The following APOL4 variants were observed in gnomAD, a reference collection of about 807,000 sequenced individuals.
APOL4 encodes the protein apolipoprotein L, 4.
A neutral mutation model predicts 12.1 loss-of-function variants in APOL4; 14 were observed. The ratio of observed to expected loss-of-function variants is 1.16; its 90% confidence interval spans 0.76 to 1.81. The LOEUF (loss-of-function observed/expected upper bound fraction) is 1.81. APOL4 is among the 40% of genes most tolerant of loss of function. The pLI, the probability that APOL4 is intolerant of heterozygous loss-of-function variation, is 0.00. For missense variants in APOL4, 432 were observed against 423.1 expected (o/e 1.02, Z -0.18); for synonymous variants, 171 against 160.6 (o/e 1.06, Z -0.49).
intron 3 of APOL4, among the ~76,000 whole-genome samples, chr22:36,194,577 G>A (rs2014350412): frequency 6.6e-6 from 1 of 152,096 alleles, no homozygotes; most frequent in Non-Finnish European, 1.5e-5. Context: ...TCATTCTAAG[G>A]CCTTCACCAC....
intron 3 of APOL4, 97 bp downstream of exon 3, chr22:36,195,214 C>G: frequency 6.8e-7 from 1 of 1,460,474 alleles, no homozygotes. Context: ...GCAGAGGGGG[C>G]TGCCTGGAGG....
In APOL4 at chr22:36,190,053, C is replaced by T. The variant is rs190769238; in HGVS notation, c.*1022G>A. ...TTTTCTATTTTCCCTAAGTGTTGGC[C>T]GGTTTGAGAAATAAAGGCACAGAGT... On this transcript the variant is annotated 3_prime_UTR_variant, in exon 4 of 4. Coordinates refer to ENST00000683024, the MANE Select transcript of APOL4 (RefSeq NM_001386885.1). 15 of 161,332 alleles carry T rather than the reference C, an allele frequency of 9.3e-5. No homozygotes were observed. Among genetic ancestry groups the T allele is most frequent in the South Asian group, 7.0e-4 (4 of 5,722 alleles). 10.0% of individuals were successfully genotyped at this position (161,332 alleles called of 1,614,324 possible). A position where few individuals can be genotyped will look rare whatever the true frequency, so the allele number is the denominator to read the frequency against.
At chr22:36,204,674 G>C, upstream of APOL4, 1 of 759,550 alleles carries the variant, frequency 1.3e-6, no homozygotes, top group Non-Finnish European at 1.9e-6. Context: ...CAGCTGGTCT[G>C]AGCTGTGTGG....
rs541276993 is a variant in APOL4 at position 36,191,593 on chromosome 22, T to C, written c.529A>G (p.Ile177Val). Residue 177 changes from isoleucine to valine, a missense_variant, in exon 4 of 4, where the codon ATA becomes GTA. Coordinates refer to ENST00000683024, the MANE Select transcript of APOL4 (RefSeq NM_001386885.1). ...SITAAGVGLG[I>V]ASATAGIASS... The stretch of plus-strand genomic sequence containing the variant: ...GCGATCCCAGCCGTGGCAGATGCTA[T>C]TCCCAGCCCTACCCCAGCTGCAGTA... 12 of 1,613,550 alleles carry C rather than the reference T, an allele frequency of 7.4e-6. No individual in the cohort carries two copies. The African/African-American group carries it at 1.3e-4, about 18-fold the overall frequency.
intron 3 of APOL4, among the ~76,000 whole-genome samples, chr22:36,194,110 C>G (rs1350868025): frequency 6.6e-6 from 1 of 152,170 alleles, no homozygotes; most frequent in Non-Finnish European, 1.5e-5. Flanking sequence ...TGGTTGGGGA[C>G]TTGTGAGTCT....
At chr22:36,203,287 G>C, upstream of APOL4, among the ~76,000 whole-genome samples, 1 of 152,198 alleles carries the variant, frequency 6.6e-6, no homozygotes, top group East Asian at 1.9e-4. Context: ...GGTCAACAAT[G>C]CACTGGATAT....
chr22:36,197,347 G>A, intron 2 of APOL4: 1 of 311,140 alleles, frequency 3.2e-6, no homozygotes, highest in Non-Finnish European at 5.9e-6. Flanking sequence ...ATGGGGCTTA[G>A]GGAAATGAAC....
At chr22:36,198,006 C>T (rs1178939658) in intron 2 of APOL4, among the ~76,000 whole-genome samples, 2 of 152,154 alleles carry the variant, frequency 1.3e-5, no homozygotes, top group Non-Finnish European at 2.9e-5. Flanking sequence ...CCAAGAAATC[C>T]CCGCCTCTTC....
Position 36,195,310 on chromosome 22 carries a change from C to G in APOL4, c.209+1G>C, listed in dbSNP as rs2014371815. On this transcript the variant is annotated splice_donor_variant, in intron 3 of 3. Coordinates refer to ENST00000683024, the MANE Select transcript of APOL4 (RefSeq NM_001386885.1). LOFTEE classifies it high-confidence loss of function. ...CAAGGAGGTAACCCCATGGAGGTTACCTGGGCAATTCAGCCACACGCACAA... is the reference window on the plus strand; with the variant it reads ...CAAGGAGGTAACCCCATGGAGGTTAGCTGGGCAATTCAGCCACACGCACAA... 6.2e-7 allele frequency: 1 copy of G among 1,613,662 alleles called. No homozygotes were observed. The highest frequency in any genetic ancestry group is 1.1e-5 in the South Asian group (1 of 91,080).
intron 2 of APOL4, among the ~76,000 whole-genome samples, chr22:36,197,985 G>A (rs572952127): frequency 6.6e-6 from 1 of 152,066 alleles, no homozygotes; most frequent in East Asian, 1.9e-4. Flanking sequence ...AAACTGCGTG[G>A]CCCCCCAGTT....
chr22:36,201,582 T>A, intron 1 of APOL4, 118 bp downstream of exon 1: 2 of 1,176,716 alleles, frequency 1.7e-6, no homozygotes, highest in Non-Finnish European at 2.3e-6. Context: ...TCCTGCTTTG[T>A]TCACTGTGTG....
intron 1 of APOL4, 65 bp downstream of exon 1, chr22:36,201,635 A>G (rs2014581014): frequency 2.3e-6 from 2 of 883,922 alleles, no homozygotes; most frequent in African/African-American, 4.6e-5. Flanking sequence ...ATGAGCCAGT[A>G]GAACTGGGAG....
chr22:36,199,868 C>T (rs1163611201), intron 1 of APOL4, among the ~76,000 whole-genome samples: 1 of 151,832 alleles, frequency 6.6e-6, no homozygotes, highest in Non-Finnish European at 1.5e-5. Flanking sequence ...AGTGCAGTGG[C>T]GCGATCTCGG....
In APOL4 at chr22:36,191,257, G is replaced by T; in HGVS notation, c.865C>A (p.Leu289Met). 6.2e-7 allele frequency: 1 copy of T among 1,614,036 alleles called. No homozygotes were observed. The highest frequency in any genetic ancestry group is 8.5e-7 in the Non-Finnish European group (1 of 1,179,898). ...AGGACACCTGAAGTGGCCTTGCCCA[G>T]GTTCCGGGCTACTTTTCTCACTATC... ...TRIVRKVARN[L>M]GKATSGVLVV... is the part of the protein sequence containing the mutation. The change falls in exon 4 of 4, where the codon CTG (leucine) becomes ATG (methionine). Residue 289 changes from leucine to methionine, a missense_variant. By Grantham distance (15) the Leu-to-Met change is conservative. Transcript: ENST00000683024.
intron 2 of APOL4, 110 bp downstream of exon 2, chr22:36,199,220 T>C (rs2014498402): frequency 6.1e-6 from 9 of 1,465,338 alleles, no homozygotes; most frequent in Middle Eastern, 2.0e-4. Context: ...CTGGGTTCCG[T>C]TGGGGCTCAC....
chr22:36,193,947 G>A (rs5756099), intron 3 of APOL4, among the ~76,000 whole-genome samples: 85,846 of 152,086 alleles, frequency 0.56, 24,799 homozygotes, highest in East Asian at 0.82. Context: ...TGCCTTAGCA[G>A]GTGACAGCTT....
intron 3 of APOL4, among the ~76,000 whole-genome samples, chr22:36,193,494 T>C (rs2014321663): frequency 6.6e-6 from 1 of 152,234 alleles, no homozygotes; most frequent in Non-Finnish European, 1.5e-5. Context: ...CTGCCCTGTA[T>C]GTCTCTTCCT....
chr22:36,191,834 T>G lies in APOL4; in HGVS notation c.288A>C (p.Gln96His). The G allele has an allele frequency of 6.2e-7, 1 of 1,613,880 alleles. No homozygotes were observed. The highest frequency in any genetic ancestry group is 2.2e-5 in the East Asian group (1 of 44,888). Residue 96 changes from glutamine to histidine, a missense_variant, in exon 4 of 4, where the codon CAA becomes CAC. Transcript: ENST00000683024. ...ACCACTCCCTAAACTGCTGTTCTTT[T>G]TGCTGCATGTCTTTGTCCTCAATAG... ...YVAIEDKDMQQKEQQFREWFL... is the reference protein window; with the variant it reads ...YVAIEDKDMQHKEQQFREWFL...
upstream of APOL4, among the ~76,000 whole-genome samples, chr22:36,202,335 C>T (rs1008109552): frequency 5.3e-5 from 8 of 152,214 alleles, no homozygotes; most frequent in African/African-American, 1.2e-4. Context: ...GTCTTGAACT[C>T]CTGGCCTCAA....
Sources: allele counts gnomAD v4.1 joint callset (sites outside exome capture counted in the v4.1 genomes callset), GRCh38; gene constraint gnomAD v4.1.1; transcripts MANE v1.5; gene names NCBI Gene and HGNC (gene_info 2026-07-23, HGNC 2026-07-21).